The following AMZ1 variants were observed in gnomAD, a reference collection of about 807,000 sequenced individuals.
AMZ1 encodes archaemetzincin-1.
A neutral mutation model predicts 29.9 loss-of-function variants in AMZ1; 39 were observed. The ratio of observed to expected loss-of-function variants is 1.30; its 90% CI spans 1.01 to 1.70. AMZ1 has a LOEUF of 1.70. AMZ1 is among the 40% of genes most tolerant of loss of function. AMZ1 has a pLI of 0.00. For missense variants in AMZ1, 1,041 were observed against 680.6 expected (o/e 1.53, Z -5.89); for synonymous variants, 458 against 304.0 (o/e 1.51, Z -5.27).
upstream of AMZ1, chr7:2,762,982 C>A (rs950651231): frequency 4.0e-5 from 53 of 1,341,234 alleles, no homozygotes; most frequent in Non-Finnish European, 4.4e-5. Context: ...CAGAAAGAGC[C>A]CTTGTGTGCT....
rs576798970 is a variant in AMZ1, at chr7:2,700,904, G to A, written c.304+149G>A. 6.9e-5 allele frequency: 79 copies of A among 1,141,074 alleles called. No individual in the cohort carries two copies. In the South Asian group the frequency reaches 1.2e-3, roughly 18 times the overall value. 70.7% of individuals were successfully genotyped at this position (1,141,074 alleles called of 1,614,324 possible). ...TGGGATGCCAGGGTGGAGGCAGGGA[G>A]GTCCTGGCTGGGCCAAGGCTTCCTT... On this transcript the variant is annotated intron_variant, in intron 2 of 6. Coordinates refer to ENST00000683327, the MANE Select transcript of AMZ1 (RefSeq NM_001384743.1).
rs1317644327 is a variant in AMZ1, at chr7:2,693,800, T to C, written c.-219+5504T>C. Among the ~76,000 whole-genome samples the C allele has an allele frequency of 4.6e-5, 7 of 152,258 alleles. No individual in the cohort carries two copies. In the East Asian group the frequency reaches 1.4e-3, roughly 29 times the overall value. ...TTGATCTCCTGACCTCCTGATCCGC[T>C]CGCCTCGGCCTCCCAAAGTGCTGAG... On this transcript the variant is annotated intron_variant, in intron 1 of 6. Transcript: ENST00000683327.
Position 2,697,852 on chromosome 7 carries a change from T to C in AMZ1, c.-218-2382T>C, listed in dbSNP as rs376412672. Among the ~76,000 whole-genome samples, 5 of 152,208 alleles carry C rather than the reference T, an allele frequency of 3.3e-5. 1 individual carries two copies. Among genetic ancestry groups the C allele is most frequent in the African/African-American group, 1.2e-4 (5 of 41,532 alleles). On this transcript the variant is annotated intron_variant, in intron 1 of 6. Transcript: ENST00000683327. ...AAAATATATTTGGAGAAAGAAGTTA[T>C]AGAAAGCTCCAGGCTGGCAGTGATC...
At chr7:2,697,434 G>GT (rs939068504) in intron 1 of AMZ1, among the ~76,000 whole-genome samples, 44 of 151,634 alleles carry the variant, frequency 2.9e-4, no homozygotes, top group African/African-American at 8.7e-4. Context: ...TAAATTTGTT[G>GT]TTTTTTTGAG....
At chr7:2,754,215 T>C (rs373809488) in intron 4 of AMZ1, among the ~76,000 whole-genome samples, 1 of 152,214 alleles carries the variant, frequency 6.6e-6, no homozygotes, top group African/African-American at 2.4e-5. Context: ...TCTCCCTTAA[T>C]TGGCAGTGAC....
At chr7:2,763,159 C>G, upstream of AMZ1, 1 of 1,168,340 alleles carries the variant, frequency 8.6e-7, no homozygotes, top group Non-Finnish European at 1.1e-6. Context: ...ATTCTGCTGA[C>G]AAGAGGTTAG....
chr7:2,762,941 C>T (rs1383468770), upstream of AMZ1: 6 of 1,379,836 alleles, frequency 4.3e-6, no homozygotes, highest in Admixed American at 3.5e-5. Flanking sequence ...CAGACACTCC[C>T]GTGGGGCCCG....
In AMZ1 at chr7:2,709,621, T is replaced by C. The variant is rs543306130; in HGVS notation, c.772-19T>C. 12 of 1,604,166 alleles carry C rather than the reference T, an allele frequency of 7.5e-6. No homozygotes were observed. The highest frequency in any genetic ancestry group is 2.3e-4 in the Middle Eastern group (1 of 4,412). On this transcript the variant is annotated intron_variant, in intron 5 of 6. Transcript: ENST00000683327. ...GGGGCAAGGCAGTGAGGCAAGGTGC[T>C]TGGTGGCCTTCCCCCCAGGTCACGT...
chr7:2,711,751 A>G (rs1190785518), intron 6 of AMZ1, among the ~76,000 whole-genome samples: 1 of 152,092 alleles, frequency 6.6e-6, no homozygotes, highest in Non-Finnish European at 1.5e-5. Flanking sequence ...TTATTTAATT[A>G]TACGCTTTCT....
In AMZ1 at chr7:2,712,870, G is replaced by T. The variant is rs753632299; in HGVS notation, c.1489G>T (p.Glu497Ter). The T allele has an allele frequency of 1.3e-6, 2 of 1,523,164 alleles. No individual in the cohort carries two copies. Among genetic ancestry groups the T allele is most frequent in the East Asian group, 2.3e-5 (1 of 44,040 alleles). 94.4% of individuals were successfully genotyped at this position (1,523,164 alleles called of 1,614,324 possible). A position where few individuals can be genotyped will look rare whatever the true frequency, so the allele number is the denominator to read the frequency against. The part of the protein sequence containing the change: ...ESAPRPWDGE[E>*]S ...GGCCCCCCGTCCCTGGGATGGGGAA[G>T]AGAGTTAGTACAGCAGGGGCTGCCC... The change falls in exon 7 of 7, where the codon GAG (glutamate) becomes TAG (stop). Residue 497 changes from glutamate to a stop codon, truncating the protein, a stop_gained. Coordinates refer to ENST00000683327, the MANE Select transcript of AMZ1 (RefSeq NM_001384743.1). LOFTEE classifies it high-confidence loss of function.
chr7:2,698,579 G>C (rs1446864162), intron 1 of AMZ1, among the ~76,000 whole-genome samples: 1 of 152,004 alleles, frequency 6.6e-6, no homozygotes, highest in Non-Finnish European at 1.5e-5. Flanking sequence ...TCTGTGTGCA[G>C]TGGCTGACGC....
chr7:2,722,698 G>A (rs1401316119), downstream of AMZ1, among the ~76,000 whole-genome samples: 4 of 152,266 alleles, frequency 2.6e-5, no homozygotes, highest in African/African-American at 9.6e-5. Flanking sequence ...CAGACTGGGT[G>A]CAGCGACTCA....
At chr7:2,708,836 CCT>C in intron 4 of AMZ1, 120 bp downstream of exon 4, 7 of 1,489,546 alleles carry the variant, frequency 4.7e-6, no homozygotes, top group Non-Finnish European at 6.4e-6. Flanking sequence ...GAAGTCAACA[CCT>C]GTGCATGGGA....
At chr7:2,710,896 G>C (rs974501331) in intron 6 of AMZ1, among the ~76,000 whole-genome samples, 1 of 152,236 alleles carries the variant, frequency 6.6e-6, no homozygotes, top group Non-Finnish European at 1.5e-5. Context: ...GCCCCGTCAA[G>C]GGGCAGCTCT....
chr7:2,751,928 G>A (rs748885557), intron 4 of AMZ1, among the ~76,000 whole-genome samples: 1 of 152,120 alleles, frequency 6.6e-6, no homozygotes, highest in Non-Finnish European at 1.5e-5. Flanking sequence ...AACACGTAAA[G>A]AAGAAATAAC....
Position 2,717,667 on chromosome 7 carries a change from A to G in AMZ1, c.*4789A>G, listed in dbSNP as rs1465030038. Among the ~76,000 whole-genome samples the G allele has an allele frequency of 6.6e-6, 1 of 152,194 alleles. No individual in the cohort carries two copies. The highest frequency in any genetic ancestry group is 1.5e-5 in the Non-Finnish European group (1 of 68,036). On this transcript the variant is annotated 3_prime_UTR_variant, in exon 7 of 7. Transcript: ENST00000683327. The stretch of plus-strand genomic sequence containing the variant: ...AAACACTTCCGGCTTGACTGTAAAG[A>G]GCCCTGGCCTGCGAACGCTGTTAAA...
At chr7:2,689,370 T>TTGG (rs1554244929) in intron 1 of AMZ1, among the ~76,000 whole-genome samples, 1 of 149,566 alleles carries the variant, frequency 6.7e-6, no homozygotes, top group Non-Finnish European at 1.5e-5. Context: ...AGAACCTCCC[T>TTGG]GGGGGGGGGA....
intron 4 of AMZ1, among the ~76,000 whole-genome samples, chr7:2,751,428 G>GA (rs1482649328): frequency 4.7e-5 from 7 of 148,626 alleles, no homozygotes; most frequent in Admixed American, 1.3e-4. Flanking sequence ...TTATAGAAGA[G>GA]AAAAAATGAT....
At chr7:2,710,017 G>A (rs1409206976) in intron 6 of AMZ1, among the ~76,000 whole-genome samples, 1 of 152,244 alleles carries the variant, frequency 6.6e-6, no homozygotes, top group Non-Finnish European at 1.5e-5. Context: ...GTCCTGCCAG[G>A]GCCCGCGTGT....
Sources: allele counts gnomAD v4.1 joint callset (sites outside exome capture counted in the v4.1 genomes callset), GRCh38; gene constraint gnomAD v4.1.1; transcripts MANE v1.5; gene names NCBI Gene and HGNC (gene_info 2026-07-23, HGNC 2026-07-21).